The following TECRL variants were observed in gnomAD, a reference collection of about 807,000 sequenced individuals.
The protein encoded by TECRL is trans-2,3-enoyl-CoA reductase like.
Under a neutral mutation model 52.8 loss-of-function variants are expected in TECRL, and 63 were observed. The ratio of observed to expected loss-of-function variants is 1.19; its 90% confidence interval spans 0.97 to 1.47. The LOEUF is 1.47. TECRL is among the 40% of genes most tolerant of loss of function. The pLI is 0.00. For synonymous variants in TECRL, 164 were observed against 141.9 expected, an observed-to-expected ratio of 1.16 and a Z score of -1.10; for missense variants, 482 against 429.6, an observed-to-expected ratio of 1.12 and a Z score of -1.08.
intron 2 of TECRL, among the ~76,000 whole-genome samples, chr4:64,374,752 T>A (rs1577957526): frequency 6.6e-6 from 1 of 152,268 alleles, no homozygotes; most frequent in African/African-American, 2.4e-5. Context: ...CATCCTTTTT[T>A]ATGGCTGCAT....
In TECRL at chr4:64,308,257, A is replaced by T. The variant is rs188696704; in HGVS notation, c.657+1569T>A. Among the ~76,000 whole-genome samples, 947 of 152,236 alleles carry T rather than the reference A, an allele frequency of 6.2e-3. 38 individuals are homozygous for T. The highest frequency in any genetic ancestry group is 0.058 in the Admixed American group (881 of 15,274). On this transcript the variant is annotated intron_variant, in intron 6 of 11. Coordinates refer to ENST00000381210, the MANE Select transcript of TECRL (RefSeq NM_001010874.5). ...AATGTGGTTAAGAATTTCCTCTTAT[A>T]CCAAGATGCTTACTCAGAAGAAACT... is the stretch of plus-strand genomic sequence containing the variant.
chr4:64,287,155 T>C (rs1303238455), intron 9 of TECRL, among the ~76,000 whole-genome samples: 1 of 152,118 alleles, frequency 6.6e-6, no homozygotes, highest in Non-Finnish European at 1.5e-5. Flanking sequence ...CATGTAATTT[T>C]TTTTCACCAA....
chr4:64,364,673 G>C (rs1721468286), intron 2 of TECRL, among the ~76,000 whole-genome samples: 4 of 151,730 alleles, frequency 2.6e-5, no homozygotes, highest in South Asian at 2.1e-4. Context: ...TAAATTCCTG[G>C]AAACATACAG....
rs1286930149 is a variant in TECRL, at chr4:64,358,477, A to G, written c.286+16695T>C. On this transcript the variant is annotated intron_variant, in intron 2 of 11. Transcript: ENST00000381210. Reference sequence around the variant, plus strand: ...TATATATTTATGTGGAAATACATATAGAAATATTTTGATAGGAAAAGGTAT... The same window carrying G: ...TATATATTTATGTGGAAATACATATGGAAATATTTTGATAGGAAAAGGTAT... Among the ~76,000 whole-genome samples the G allele has an allele frequency of 1.3e-5, 2 of 151,718 alleles. 1 individual carries two copies. Among genetic ancestry groups the G allele is most frequent in the Non-Finnish European group, 3.0e-5 (2 of 67,732 alleles).
chr4:64,384,188 G>A (rs1293737056), intron 1 of TECRL, among the ~76,000 whole-genome samples: 1 of 152,054 alleles, frequency 6.6e-6, no homozygotes, highest in Non-Finnish European at 1.5e-5. Flanking sequence ...GTATATTCCA[G>A]GTAGGATGAT....
chr4:64,353,629 C>T (rs538178969), intron 2 of TECRL, among the ~76,000 whole-genome samples: 49 of 152,120 alleles, frequency 3.2e-4, no homozygotes, highest in African/African-American at 1.1e-3. Flanking sequence ...AGAAAACATG[C>T]TGAAGTTGAA....
At chr4:64,328,822 TTGGACATGCATCAGGTAGTA>T (rs1184519789) in intron 2 of TECRL, among the ~76,000 whole-genome samples, 5 of 151,952 alleles carry the variant, frequency 3.3e-5, no homozygotes, top group Non-Finnish European at 7.4e-5. Flanking sequence ...TGTTCAGGTT[TTGGACATGCATCAGGTAGTA>T]TGAGCTATGA....
intron 6 of TECRL, among the ~76,000 whole-genome samples, chr4:64,308,374 T>G (rs1724461932): frequency 6.6e-6 from 1 of 152,140 alleles, no homozygotes; most frequent in African/African-American, 2.4e-5. Flanking sequence ...CATTGTGGCT[T>G]CAGCTTCCCC....
intron 6 of TECRL, among the ~76,000 whole-genome samples, chr4:64,308,364 C>T (rs1325904200): frequency 6.6e-6 from 1 of 152,166 alleles, no homozygotes. Flanking sequence ...GTGCCATTAG[C>T]ATTGTGGCTT....
intron 1 of TECRL, among the ~76,000 whole-genome samples, chr4:64,403,855 G>A (rs545126766): frequency 7.7e-4 from 91 of 117,706 alleles, no homozygotes; most frequent in Non-Finnish European, 1.5e-3. Context: ...AAAAGAGAAG[G>A]AAAAATGAAA....
At chr4:64,292,264 G>A (rs543827927) in intron 8 of TECRL, among the ~76,000 whole-genome samples, 1 of 151,864 alleles carries the variant, frequency 6.6e-6, no homozygotes, top group Non-Finnish European at 1.5e-5. Context: ...TCTTCATTTG[G>A]CATACAGTAA....
chr4:64,409,418 C>T lies in TECRL; in HGVS notation c.-67G>A, dbSNP rs1724963585. 3.8e-6 allele frequency: 6 copies of T among 1,562,994 alleles called. No homozygotes were observed. Among genetic ancestry groups the T allele is most frequent in the Non-Finnish European group, 5.2e-6 (6 of 1,156,078 alleles). On this transcript the variant is annotated 5_prime_UTR_variant, in exon 1 of 12. Transcript: ENST00000381210. ...AATTGCAAGTGTGTTCCTTTTGCAT[C>T]AGTTAAATACTGCTGGAGAACCTTT...
At chr4:64,388,041 A>C (rs529702381) in intron 1 of TECRL, among the ~76,000 whole-genome samples, 1 of 151,642 alleles carries the variant, frequency 6.6e-6, no homozygotes, top group South Asian at 2.1e-4. Flanking sequence ...AATGAATTCC[A>C]TCTTATTAAT....
intron 2 of TECRL, among the ~76,000 whole-genome samples, chr4:64,339,877 C>T (rs1199513306): frequency 1.3e-5 from 2 of 152,154 alleles, no homozygotes; most frequent in Non-Finnish European, 2.9e-5. Flanking sequence ...ATAAATTCCT[C>T]ATTTCTCCTA....
intron 3 of TECRL, among the ~76,000 whole-genome samples, chr4:64,324,182 T>A (rs1294696039): frequency 6.6e-6 from 1 of 152,088 alleles, no homozygotes; most frequent in Non-Finnish European, 1.5e-5. Context: ...ATCAGACAAG[T>A]CTGGAATGTG....
Position 64,409,135 on chromosome 4 carries a change from T to A in TECRL, c.217A>T (p.Ile73Leu). Residue 73 changes from isoleucine (I) to leucine (L), a missense_variant, in exon 1 of 12, where the codon ATA (isoleucine) becomes TTA (leucine). Transcript: ENST00000381210. Reference sequence around the variant, plus strand: ...AAACTCACCTTATCCAGAATACATATCTGTTTCCTTGTTTGAGCATCAAAT... The same window carrying A: ...AAACTCACCTTATCCAGAATACATAACTGTTTCCTTGTTTGAGCATCAAAT... Reference protein sequence around the residue: ...EIFDAQTRKQICILDKVTQSS... With the variant: ...EIFDAQTRKQLCILDKVTQSS... 1 of 1,610,646 alleles carries A rather than the reference T, an allele frequency of 6.2e-7. No homozygotes were observed. The highest frequency in any genetic ancestry group is 1.1e-5 in the South Asian group (1 of 90,862).
At chr4:64,395,693 A>G (rs921722352) in intron 1 of TECRL, among the ~76,000 whole-genome samples, 1 of 152,160 alleles carries the variant, frequency 6.6e-6, no homozygotes, top group Non-Finnish European at 1.5e-5. Context: ...GTAGGTTGAG[A>G]GGGTACATGT....
At chr4:64,377,467 T>A (rs1026716968) in intron 1 of TECRL, among the ~76,000 whole-genome samples, 1 of 152,020 alleles carries the variant, frequency 6.6e-6, no homozygotes, top group African/African-American at 2.4e-5. Flanking sequence ...TTTTACAACA[T>A]CTTAAAAAGG....
chr4:64,311,515 T>A (rs1442373524), intron 5 of TECRL, among the ~76,000 whole-genome samples: 1 of 152,126 alleles, frequency 6.6e-6, no homozygotes, highest in East Asian at 1.9e-4. Flanking sequence ...AGTAATAAAA[T>A]TTTTTTGTTT....
Sources: allele counts gnomAD v4.1 joint callset (sites outside exome capture counted in the v4.1 genomes callset), GRCh38; gene constraint gnomAD v4.1.1; transcripts MANE v1.5; gene names NCBI Gene and HGNC (gene_info 2026-07-23, HGNC 2026-07-21).